Variants in ZC3H12B observed in about 807,000 individuals in gnomAD.
ZC3H12B encodes the protein zinc finger CCCH-type containing 12B.
ZC3H12B carries 7 observed loss-of-function variants against 43.9 expected under a neutral mutation model. That is an observed-to-expected ratio of 0.16 (90% CI 0.09 to 0.30). The LOEUF (loss-of-function observed/expected upper bound fraction) is 0.30, where lower values mean the gene tolerates loss of function less well. ZC3H12B is among the 10% of genes least tolerant of loss of function. The probability of loss-of-function intolerance (pLI) is 1.00; values close to 1 mark genes in which losing one functional copy is unlikely to be tolerated. For synonymous variants in ZC3H12B, 222 were observed against 241.7 expected (o/e 0.92, Z 0.76); for missense variants, 475 against 670.2 (o/e 0.71, Z 3.22).
At chrX:65,410,699 T>A (rs7050558) in intron 3 of ZC3H12B, among the ~76,000 whole-genome samples, 15,981 of 111,356 alleles carry the variant, frequency 0.14, 2,731 homozygotes, top group African/African-American at 0.49. Flanking sequence ...GAAACAGGCA[T>A]ATGAAAAGGT....
At chrX:65,245,319 G>T in the ZC3H12B span, among the ~76,000 whole-genome samples, 1 of 111,714 alleles carries the variant, frequency 9.0e-6, no homozygotes, top group African/African-American at 3.3e-5. Context: ...TAAGGAGGAG[G>T]GATTCCTCCC....
the ZC3H12B span, among the ~76,000 whole-genome samples, chrX:65,128,804 C>T: frequency 9.0e-6 from 1 of 111,643 alleles, no homozygotes; most frequent in African/African-American, 3.2e-5. Flanking sequence ...TAATTTTCTC[C>T]TTTGTCTCTC....
intron 1 of ZC3H12B, 44 bp from the exon 4 acceptor site, chrX:65,368,785 C>T (rs1336294015): frequency 2.7e-5 from 3 of 112,415 alleles, no homozygotes; most frequent in Non-Finnish European, 5.6e-5. Flanking sequence ...ATCAAGTTCT[C>T]ATCATAGGTT....
chrX:65,165,074 G>A, the ZC3H12B span, among the ~76,000 whole-genome samples: 1 of 111,617 alleles, frequency 9.0e-6, no homozygotes, highest in Non-Finnish European at 1.9e-5. Flanking sequence ...TGTTACAACA[G>A]TAGATATTTG....
At chrX:65,443,764 G>A (rs558580621) in intron 3 of ZC3H12B, among the ~76,000 whole-genome samples, 1 of 112,429 alleles carries the variant, frequency 8.9e-6, no homozygotes. Flanking sequence ...GGCCATTATG[G>A]ACATATTACA....
At chrX:65,215,809 T>C in the ZC3H12B span, among the ~76,000 whole-genome samples, 1 of 111,955 alleles carries the variant, frequency 8.9e-6, no homozygotes, top group East Asian at 2.8e-4. Context: ...CTCTAGCCTT[T>C]GATTTAAAGT....
At chrX:65,369,705 T>A (rs1342951105) in intron 2 of ZC3H12B, among the ~76,000 whole-genome samples, 3 of 112,050 alleles carry the variant, frequency 2.7e-5, no homozygotes, top group African/African-American at 6.5e-5. Context: ...TATGTTTTTT[T>A]TTCCTTCTGC....
intron 4 of ZC3H12B, among the ~76,000 whole-genome samples, chrX:65,501,071 G>A (rs962029903): frequency 1.4e-4 from 16 of 111,188 alleles, no homozygotes; most frequent in African/African-American, 5.2e-4. Context: ...AGGTCACACA[G>A]CTAGTAAGGG....
chrX:65,254,731 A>G, the ZC3H12B span, among the ~76,000 whole-genome samples: 4 of 111,990 alleles, frequency 3.6e-5, no homozygotes, highest in Non-Finnish European at 5.6e-5. Flanking sequence ...AATGACAGAA[A>G]TCGAATTCAG....
chrX:65,194,661 A>G, the ZC3H12B span, among the ~76,000 whole-genome samples: 1 of 112,057 alleles, frequency 8.9e-6, no homozygotes, highest in Non-Finnish European at 1.9e-5. Context: ...CCTTTGAATG[A>G]AATGTTCTGT....
At chrX:65,148,059 A>G in the ZC3H12B span, among the ~76,000 whole-genome samples, 1 of 109,731 alleles carries the variant, frequency 9.1e-6, no homozygotes, top group Admixed American at 9.7e-5. Context: ...CTGGACCCTA[A>G]GTCTGTTGGA....
At chrX:65,102,934 C>T in the ZC3H12B span, among the ~76,000 whole-genome samples, 1 of 111,372 alleles carries the variant, frequency 9.0e-6, no homozygotes, top group Non-Finnish European at 1.9e-5. Context: ...AGATCACATG[C>T]TTCAAGGGCA....
At chrX:65,069,008 T>G in the ZC3H12B span, among the ~76,000 whole-genome samples, 3 of 109,580 alleles carry the variant, frequency 2.7e-5, no homozygotes, top group Admixed American at 9.9e-5. Context: ...GTATTGGAGC[T>G]CCATAGTATA....
chrX:65,174,845 G>T, the ZC3H12B span, among the ~76,000 whole-genome samples: 2 of 110,906 alleles, frequency 1.8e-5, no homozygotes, highest in African/African-American at 6.6e-5. Flanking sequence ...AGACCACTTG[G>T]CTCCCTGCCT....
intron 3 of ZC3H12B, chrX:65,408,726 G>A: frequency 4.5e-6 from 3 of 672,132 alleles, no homozygotes; most frequent in Non-Finnish European, 6.7e-6. Flanking sequence ...AAAGTTGTGT[G>A]GATCGCTAAA....
the ZC3H12B span, among the ~76,000 whole-genome samples, chrX:65,347,842 T>A: frequency 8.9e-6 from 1 of 112,133 alleles, no homozygotes; most frequent in African/African-American, 3.2e-5. Context: ...AAGCCAAATG[T>A]CCATCAATGA....
At chrX:65,326,632 A>T in the ZC3H12B span, among the ~76,000 whole-genome samples, 2 of 111,165 alleles carry the variant, frequency 1.8e-5, no homozygotes, top group Non-Finnish European at 3.8e-5. Context: ...AATCTAGTGT[A>T]TTACTCTAAA....
chrX:65,167,728 G>T, the ZC3H12B span, among the ~76,000 whole-genome samples: 1 of 111,764 alleles, frequency 8.9e-6, no homozygotes, highest in African/African-American at 3.2e-5. Context: ...GCAGTGGTTT[G>T]TAGTTCTCCT....
the ZC3H12B span, among the ~76,000 whole-genome samples, chrX:65,056,217 G>T: frequency 1.8e-5 from 2 of 111,253 alleles, no homozygotes; most frequent in Non-Finnish European, 1.9e-5. Context: ...GCTTTTTCTT[G>T]TGGGCATTTA....
Sources: gnomAD v4.1 joint callset for allele counts (sites outside exome capture counted in the v4.1 genomes callset) on GRCh38, gnomAD v4.1.1 for gene constraint, MANE v1.5 for transcripts, NCBI Gene and HGNC (gene_info 2026-07-23, HGNC 2026-07-21) for gene names.